Variants in NSD1 observed in about 807,000 individuals in gnomAD.
NSD1 encodes histone-lysine N-methyltransferase, H3 lysine-36 specific.
A neutral mutation model predicts 242.7 loss-of-function variants in NSD1; 26 were observed. That is an observed-to-expected ratio of 0.11 (90% CI 0.08 to 0.15). NSD1 has a LOEUF of 0.15. Ranked by LOEUF, NSD1 falls within the 10% of genes least tolerant of loss-of-function variation. The probability of loss-of-function intolerance (pLI) is 1.00; values close to 1 mark genes in which losing one functional copy is unlikely to be tolerated. For synonymous variants in NSD1, 1,106 were observed against 1,178.1 expected, an observed-to-expected ratio of 0.94 and a Z score of 1.25; for missense variants, 2,495 against 3,272.8, an observed-to-expected ratio of 0.76 and a Z score of 5.80.
chr5:177,205,572 A>G (rs1762808938), intron 4 of NSD1, among the ~76,000 whole-genome samples: 1 of 151,802 alleles, frequency 6.6e-6, no homozygotes, highest in Non-Finnish European at 1.5e-5. Context: ...AAACACTTTT[A>G]AGTGTACAGT....
chr5:177,196,322 A>G (rs1020982298), intron 3 of NSD1, among the ~76,000 whole-genome samples: 1 of 152,238 alleles, frequency 6.6e-6, no homozygotes, highest in Non-Finnish European at 1.5e-5. Flanking sequence ...TGTTCATTTT[A>G]AAAGTTCACT....
chr5:177,294,238 C>T lies in NSD1; in HGVS notation c.6870C>T (p.Pro2290=), dbSNP rs1304910813. The change falls in exon 23 of 23, where the codon CCC becomes CCT. Residue 2290 remains proline, a synonymous_variant. Coordinates refer to ENST00000439151, the MANE Select transcript of NSD1 (RefSeq NM_022455.5). ...ERPLERTDSR[P]QPLDKVRDLA... is the part of the protein sequence containing the mutation. ...CTCTTGAGAGAACTGACTCCAGGCC[C>T]CAGCCTTTAGATAAGGTCAGAGACC... The T allele has an allele frequency of 1.2e-6, 2 of 1,613,504 alleles. No homozygotes were observed. Among genetic ancestry groups the T allele is most frequent in the South Asian group, 1.1e-5 (1 of 91,026 alleles).
chr5:177,135,975 A>C lies in NSD1; in HGVS notation c.872A>C (p.Asn291Thr). Residue 291 changes from asparagine (N) to threonine (T), a missense_variant, in exon 2 of 23, where the codon AAC becomes ACC. Physicochemically the swap from Asn to Thr is moderately conservative, Grantham distance 65. Around this residue, in one of 19 missense-constraint regions of NSD1, gnomAD observed 376 missense variants for 367.4 expected, o/e 1.02. Transcript: ENST00000439151. ...DPDSSTSTLGNMLELPGTSSS... is the reference protein window; with the variant it reads ...DPDSSTSTLGTMLELPGTSSS... ...GATTCCAGTACCAGTACATTAGGAA[A>C]CATGCTAGAATTACCTGGAACTTCA... 1 of 1,614,184 alleles carries C rather than the reference A, an allele frequency of 6.2e-7. No homozygotes were observed. The highest frequency in any genetic ancestry group is 2.2e-5 in the East Asian group (1 of 44,894).
At position 177,266,090 on chromosome 5, in the gene NSD1, G is replaced by A. The variant is rs1757422364; in HGVS notation, c.5147-1472G>A. 1.2e-5 allele frequency: 14 copies of A among 1,122,940 alleles called. No homozygotes were observed. The South Asian group carries it at 1.6e-4, about 13-fold the overall frequency. 69.6% of individuals were successfully genotyped at this position (1,122,940 alleles called of 1,614,324 possible). A position where few individuals can be genotyped will look rare whatever the true frequency, so the allele number is the denominator to read the frequency against. ...TTTGTACTGCCGGTCCTCGGTGGCCGTCACATACAGTGTGGCCCGTTCTGG... is the reference window on the plus strand; with the variant it reads ...TTTGTACTGCCGGTCCTCGGTGGCCATCACATACAGTGTGGCCCGTTCTGG... On this transcript the variant is annotated intron_variant, in intron 14 of 22. Coordinates refer to ENST00000439151, the MANE Select transcript of NSD1 (RefSeq NM_022455.5).
chr5:177,221,708 A>AAC (rs1764252595), intron 5 of NSD1, among the ~76,000 whole-genome samples: 2 of 151,678 alleles, frequency 1.3e-5, no homozygotes, highest in Non-Finnish European at 2.9e-5. Flanking sequence ...TGACCTTATG[A>AAC]TCCGTCCATG....
chr5:177,174,886 T>TC (rs1760055947), intron 2 of NSD1, among the ~76,000 whole-genome samples: 1 of 145,218 alleles, frequency 6.9e-6, no homozygotes, highest in Non-Finnish European at 1.5e-5. Flanking sequence ...TTTTTTTTTT[T>TC]TTTTTGGGAC....
chr5:177,158,998 T>TTATATATATATATGAATGATATATA (rs1554173190), intron 2 of NSD1, among the ~76,000 whole-genome samples: 5 of 122,612 alleles, frequency 4.1e-5, no homozygotes, highest in African/African-American at 1.9e-4. Flanking sequence ...ATGAATGATT[T>TTATATATATATATGAATGATATATA]TATATATATA....
intron 13 of NSD1, 129 bp from the exon 14 acceptor site, chr5:177,259,860 A>G (rs914792234): frequency 1.0e-6 from 1 of 983,020 alleles, no homozygotes; most frequent in Non-Finnish European, 1.6e-6. Context: ...AAGATCCATC[A>G]TCTTAGTGGT....
intron 2 of NSD1, among the ~76,000 whole-genome samples, chr5:177,168,708 G>C (rs1380082303): frequency 6.6e-6 from 1 of 152,096 alleles, no homozygotes; most frequent in African/African-American, 2.4e-5. Context: ...TGATCCACCT[G>C]CCTTGGCCTC....
chr5:177,291,398 T>G (rs1048248465), intron 21 of NSD1, among the ~76,000 whole-genome samples: 8 of 152,216 alleles, frequency 5.3e-5, no homozygotes, highest in African/African-American at 1.9e-4. Flanking sequence ...CTCACGCCTG[T>G]AATCCTAGCA....
intron 21 of NSD1, among the ~76,000 whole-genome samples, chr5:177,291,384 G>A (rs948843828): frequency 6.6e-5 from 10 of 152,214 alleles, no homozygotes; most frequent in African/African-American, 2.4e-4. Context: ...GCCAGGTGCG[G>A]TGGCTCACGC....
intron 4 of NSD1, among the ~76,000 whole-genome samples, chr5:177,207,912 G>A (rs964008696): frequency 7.9e-5 from 12 of 151,220 alleles, no homozygotes; most frequent in African/African-American, 2.9e-4. Context: ...GCTAGTGTGT[G>A]TGTGTGTGTG....
intron 5 of NSD1, among the ~76,000 whole-genome samples, chr5:177,222,850 A>T (rs1764345718): frequency 6.6e-6 from 1 of 152,166 alleles, no homozygotes; most frequent in Admixed American, 6.5e-5. Context: ...GTTTGATCAT[A>T]TACCTTGAAT....
intron 5 of NSD1, among the ~76,000 whole-genome samples, chr5:177,229,147 G>A (rs1341072141): frequency 6.6e-6 from 1 of 151,050 alleles, no homozygotes; most frequent in African/African-American, 2.4e-5. Flanking sequence ...CACCATAGAT[G>A]TATGCCTAAT....
intron 2 of NSD1, among the ~76,000 whole-genome samples, chr5:177,186,888 C>T (rs1036463162): frequency 6.6e-6 from 1 of 151,896 alleles, no homozygotes; most frequent in East Asian, 1.9e-4. Context: ...CGCCACTGCA[C>T]CCCAGCCTGG....
intron 17 of NSD1, among the ~76,000 whole-genome samples, chr5:177,274,170 AAAAG>A (rs1448215770): frequency 1.8e-4 from 27 of 152,280 alleles, no homozygotes; most frequent in Non-Finnish European, 3.7e-4. Flanking sequence ...AAAGAAGAAA[AAAAG>A]AAACAAGTAC....
intron 2 of NSD1, among the ~76,000 whole-genome samples, chr5:177,147,064 C>T (rs915189610): frequency 6.6e-6 from 1 of 151,806 alleles, no homozygotes; most frequent in Non-Finnish European, 1.5e-5. Context: ...CCTGCTGTTG[C>T]CAGCCGTTTT....
chr5:177,163,061 A>G (rs1758887029), intron 2 of NSD1, among the ~76,000 whole-genome samples: 1 of 152,182 alleles, frequency 6.6e-6, no homozygotes, highest in Admixed American at 6.6e-5. Flanking sequence ...CTGGCCTTCA[A>G]AAGTAAATGT....
intron 12 of NSD1, among the ~76,000 whole-genome samples, chr5:177,256,209 C>CT (rs746904136): frequency 4.4e-4 from 66 of 150,944 alleles, no homozygotes; most frequent in East Asian, 1.7e-3. Flanking sequence ...GGGTGATTTC[C>CT]TGTAGTGTAA....
Sources: allele counts gnomAD v4.1 joint callset (sites outside exome capture counted in the v4.1 genomes callset), GRCh38; gene constraint gnomAD v4.1.1; regional missense constraint gnomAD v4.1.1; transcripts MANE v1.5; gene names NCBI Gene and HGNC (gene_info 2026-07-23, HGNC 2026-07-21).